Variants in MYO7A observed in about 807,000 individuals in gnomAD.
The protein encoded by MYO7A is myosin VIIA, also known as unconventional myosin-VIIa.
Under a neutral mutation model 263.8 loss-of-function variants are expected in MYO7A, and 210 were observed. The ratio of observed to expected loss-of-function variants is 0.80; its 90% CI spans 0.71 to 0.89. The LOEUF (loss-of-function observed/expected upper bound fraction) is 0.89, where lower values mean the gene tolerates loss of function less well. MYO7A is among the 40% of genes least tolerant of loss of function. The pLI is 0.00. For synonymous variants in MYO7A, 1,239 were observed against 1,197.3 expected (o/e 1.03, Z -0.72); for missense variants, 2,820 against 2,968.3 (o/e 0.95, Z 1.16).
Position 77,211,221 on chromosome 11 carries a change from A to G in MYO7A, c.6121A>G (p.Ile2041Val). ...REEVLQLGALIYRVKFEEDKS... is the reference protein window; with the variant it reads ...REEVLQLGALVYRVKFEEDKS... ...GGAGGTGCTGCAGCTGGGGGCGCTG[A>G]TCTACAGGGTCAAGTTCGAGGAGGA... The change falls in exon 45 of 49, where the codon ATC (isoleucine) becomes GTC (valine). Residue 2041 changes from isoleucine (I) to valine (V), a missense_variant. Coordinates refer to ENST00000409709, the MANE Select transcript of MYO7A (RefSeq NM_000260.4). 6.3e-7 allele frequency: 1 copy of G among 1,591,614 alleles called. No homozygotes were observed. The highest frequency in any genetic ancestry group is 8.6e-7 in the Non-Finnish European group (1 of 1,169,430).
Position 77,205,523 on chromosome 11 carries a change from A to C in MYO7A, c.5542A>C (p.Asn1848His), listed in dbSNP as rs1957388310. ...GTGCACGGGCCTTTTCCCACCCAGCAACATCCTCCTGCCCCACGTGCAGCG... is the reference window on the plus strand; with the variant it reads ...GTGCACGGGCCTTTTCCCACCCAGCCACATCCTCCTGCCCCACGTGCAGCG... ...WLCTGLFPPS[N>H]ILLPHVQRFL... The change falls in exon 40 of 49, where the codon AAC becomes CAC. Residue 1848 changes from asparagine to histidine, a missense_variant. Coordinates refer to ENST00000409709, the MANE Select transcript of MYO7A (RefSeq NM_000260.4). The C allele has an allele frequency of 1.2e-6, 2 of 1,605,990 alleles. No individual in the cohort carries two copies. The highest frequency in any genetic ancestry group is 2.7e-5 in the African/African-American group (2 of 74,690).
chr11:77,176,239 T>C (rs781847022), intron 18 of MYO7A, among the ~76,000 whole-genome samples: 21 of 152,286 alleles, frequency 1.4e-4, no homozygotes, highest in Admixed American at 4.6e-4. Context: ...CTAATTCCTC[T>C]CCAGCCAAGG....
In MYO7A at chr11:77,179,990, C is replaced by T. The variant is rs1407663764; in HGVS notation, c.2586+37C>T. The stretch of plus-strand genomic sequence containing the variant: ...AGTCCATAGCACCCACAGCTCTGAC[C>T]CCTGGGCGAGGAGTGTCCATGCATC... On this transcript the variant is annotated intron_variant, in intron 21 of 48. Transcript: ENST00000409709. 4 of 1,496,388 alleles carry T rather than the reference C, an allele frequency of 2.7e-6. No individual in the cohort carries two copies. The African/African-American group carries it at 4.1e-5, about 16-fold the overall frequency. 92.7% of individuals were successfully genotyped at this position (1,496,388 alleles called of 1,614,324 possible).
chr11:77,199,663 C>A lies in MYO7A; in HGVS notation c.4697C>A (p.Thr1566Lys). ...PCWSCRGAKT[T>K]APSFTLATIK... ...TGGTCCTGCAGGGGAGCGAAAACGA[C>A]GGCCCCCAGCTTCACGCTGGCCACC... Residue 1566 changes from threonine to lysine, a missense_variant, in exon 35 of 49, where the codon ACG (threonine) becomes AAG (lysine). Physicochemically the swap from Thr to Lys is moderately conservative, Grantham distance 78 (BLOSUM62 -1). Coordinates refer to ENST00000409709, the MANE Select transcript of MYO7A (RefSeq NM_000260.4). The A allele has an allele frequency of 6.2e-7, 1 of 1,612,962 alleles. No individual in the cohort carries two copies.
chr11:77,193,062 TG>T (rs1565443474), intron 31 of MYO7A, among the ~76,000 whole-genome samples: 38 of 101,312 alleles, frequency 3.8e-4, no homozygotes, highest in African/African-American at 1.2e-3. Flanking sequence ...GTGATGGTGT[TG>T]GTGATGGTGG....
chr11:77,181,077 T>A (rs958111253), intron 22 of MYO7A, among the ~76,000 whole-genome samples: 40 of 152,356 alleles, frequency 2.6e-4, no homozygotes, highest in African/African-American at 9.4e-4. Flanking sequence ...TGGGCAACAC[T>A]GGTCTAGAGC....
intron 31 of MYO7A, among the ~76,000 whole-genome samples, chr11:77,192,830 T>A: frequency 6.6e-6 from 1 of 150,488 alleles, no homozygotes. Context: ...TGATGGTTGG[T>A]GGTGATGGTG....
In MYO7A at chr11:77,147,683, C is replaced by CGA. The variant is rs1182799951; in HGVS notation, c.133-113_133-112dup. 6 of 1,372,726 alleles carry CGA rather than the reference C, an allele frequency of 4.4e-6. No homozygotes were observed. In the Admixed American group the frequency reaches 1.2e-4, roughly 28 times the overall value. The allele number at this position is 1,372,726 out of a possible 1,614,324, so 85.0% of individuals were successfully genotyped here. ...GACAGTGTCTGGCTGCCAGAGAGGT[C>CGA]GAGGCCCTTACCCGGGTTGGCACTC... On this transcript the variant is annotated intron_variant, in intron 3 of 48. Transcript: ENST00000409709.
Position 77,182,090 on chromosome 11 carries a change from A to G in MYO7A, c.3044A>G (p.His1015Arg). 6.2e-7 allele frequency: 1 copy of G among 1,612,778 alleles called. No homozygotes were observed. Among genetic ancestry groups the G allele is most frequent in the East Asian group, 2.2e-5 (1 of 44,832 alleles). ...ACCTACTTCCAGGGGACAACCACGC[A>G]CTCCTACACCCGGCGGCCACTCAAA... ...AATYFQGTTT[H>R]SYTRRPLKQP... Residue 1015 changes from histidine to arginine, a missense_variant, in exon 24 of 49, where the codon CAC becomes CGC. By Grantham distance (29) the His-to-Arg change is conservative. Transcript: ENST00000409709.
intron 4 of MYO7A, among the ~76,000 whole-genome samples, chr11:77,154,730 C>T (rs572514803): frequency 2.0e-5 from 3 of 149,886 alleles, no homozygotes; most frequent in African/African-American, 7.4e-5. Flanking sequence ...GAGGAAGAGG[C>T]TTAGGTGGGA....
In MYO7A at chr11:77,175,464, G is replaced by T; in HGVS notation, c.2187G>T (p.Lys729Asn). ...TAGGCAAAACCAAGATCTTTCTGAA[G>T]GTGAGCACAGATGCCTTCCCTGGGC... Reference protein sequence around the residue: ...WQIGKTKIFLKDHHDMLLEVE... With the variant: ...WQIGKTKIFLNDHHDMLLEVE... Residue 729 changes from lysine to asparagine, a missense_variant and splice_region_variant, in exon 18 of 49, where the codon AAG (lysine) becomes AAT (asparagine). Lys to Asn is a moderately conservative substitution (Grantham distance 94, BLOSUM62 0). Coordinates refer to ENST00000409709, the MANE Select transcript of MYO7A (RefSeq NM_000260.4). 2 of 1,613,078 alleles carry T rather than the reference G, an allele frequency of 1.2e-6. No individual in the cohort carries two copies. Among genetic ancestry groups the T allele is most frequent in the Non-Finnish European group, 1.7e-6 (2 of 1,179,842 alleles).
intron 25 of MYO7A, 27 bp from the exon 26 acceptor site, chr11:77,183,041 T>G: frequency 6.5e-7 from 1 of 1,545,538 alleles, no homozygotes; most frequent in Non-Finnish European, 8.8e-7. Context: ...CTCAGCCACT[T>G]GACCCTGATC....
chr11:77,181,651 C>T (rs1463422397), intron 23 of MYO7A, 62 bp downstream of exon 23: 2 of 1,498,752 alleles, frequency 1.3e-6, no homozygotes, highest in African/African-American at 1.4e-5. Context: ...GATCCTCCCT[C>T]CTTCTGTGCC....
intron 32 of MYO7A, among the ~76,000 whole-genome samples, chr11:77,195,293 C>T (rs1956559896): frequency 6.6e-6 from 1 of 152,104 alleles, no homozygotes; most frequent in African/African-American, 2.4e-5. Context: ...CAGCCTGCTT[C>T]CCCCGAGGCC....
In MYO7A at chr11:77,202,389, C is replaced by G. The variant is rs764440759; in HGVS notation, c.5133C>G (p.Pro1711=). ...RTAEPEVRAK[P]YTLEEFSYDY... ...CGGAGCCCGAGGTGCGTGCCAAGCC[C>G]TACACGCTGGAGGAGTTTTCCTATG... The change falls in exon 37 of 49, where the codon CCC becomes CCG. Residue 1711 remains proline (P), a synonymous_variant. Coordinates refer to ENST00000409709, the MANE Select transcript of MYO7A (RefSeq NM_000260.4). 1 of 1,555,650 alleles carries G rather than the reference C, an allele frequency of 6.4e-7. No individual in the cohort carries two copies. The highest frequency in any genetic ancestry group is 1.2e-5 in the South Asian group (1 of 84,256).
intron 2 of MYO7A, among the ~76,000 whole-genome samples, chr11:77,132,467 TTTTGTTTG>T (rs113813737): frequency 1.3e-3 from 200 of 151,158 alleles, no homozygotes; most frequent in Middle Eastern, 0.01. Flanking sequence ...AAAACAGGGG[TTTTGTTTG>T]TTTGTTTGTT....
chr11:77,208,608 G>C, intron 43 of MYO7A, 89 bp from the exon 44 acceptor site: 7 of 1,499,168 alleles, frequency 4.7e-6, no homozygotes, highest in Admixed American at 1.9e-5. Context: ...AGGCGGGCCT[G>C]AGTGAGGGCC....
intron 36 of MYO7A, 59 bp from the exon 37 acceptor site, chr11:77,202,241 T>G: frequency 6.6e-7 from 1 of 1,522,040 alleles, no homozygotes; most frequent in Non-Finnish European, 8.9e-7. Flanking sequence ...GTATACCATG[T>G]TGATCCTGGT....
At chr11:77,135,575 G>T (rs913577102) in intron 2 of MYO7A, among the ~76,000 whole-genome samples, 3 of 152,130 alleles carry the variant, frequency 2.0e-5, no homozygotes, top group Non-Finnish European at 4.4e-5. Flanking sequence ...TAATTCTTTT[G>T]AGTATATATC....
Sources: allele counts gnomAD v4.1 joint callset (sites outside exome capture counted in the v4.1 genomes callset), GRCh38; gene constraint gnomAD v4.1.1; transcripts MANE v1.5; gene names NCBI Gene and HGNC (gene_info 2026-07-23, HGNC 2026-07-21).